The following EWSR1 variants were observed in gnomAD, a reference collection of about 807,000 sequenced individuals.
EWSR1 encodes EWS RNA binding protein 1.
Under a neutral mutation model 92.1 loss-of-function variants are expected in EWSR1, and 14 were observed. The ratio of observed to expected loss-of-function variants is 0.15; its 90% confidence interval spans 0.10 to 0.24. EWSR1 has a LOEUF of 0.24. Among genes scored for constraint, EWSR1 ranks in the 10% least tolerant of loss-of-function variants. EWSR1 has a pLI of 1.00. For missense variants in EWSR1, 637 were observed against 870.9 expected (o/e 0.73, Z 3.38); for synonymous variants, 303 against 292.9 (o/e 1.03, Z -0.35).
chr22:29,295,562 G>T (rs1306270422), intron 11 of EWSR1: 1 of 222,444 alleles, frequency 4.5e-6, no homozygotes, highest in Non-Finnish European at 9.0e-6. Context: ...TAAGTCAGAG[G>T]TATCAATATA....
In EWSR1 at chr22:29,268,933, T is replaced by G. The variant is rs1047921564; in HGVS notation, c.13+584T>G. On this transcript the variant is annotated intron_variant, in intron 1 of 16. Transcript: ENST00000397938. ...GCTGCCGAGCTGCCCCCTCTGTGGC[T>G]TCCAGCCCCAAGCCGAACTTCTGCT... 2.6e-5 allele frequency among the ~76,000 whole-genome samples: 4 copies of G among 152,230 alleles called. No homozygotes were observed. The East Asian group carries it at 7.7e-4, about 29-fold the overall frequency.
Position 29,275,831 on chromosome 22 carries a change from T to A in EWSR1, c.226+1967T>A, listed in dbSNP as rs532052733. On this transcript the variant is annotated intron_variant, in intron 4 of 16. Transcript: ENST00000397938. ...TTAATTTTTACGTTGAACAAAAGTT[T>A]TGGTTTGTGTAATATTTCTTACCAC... is the stretch of plus-strand genomic sequence containing the variant. 3.4e-5 allele frequency: 8 copies of A among 231,954 alleles called. No homozygotes were observed. The East Asian group carries it at 3.7e-4, about 11-fold the overall frequency. 14.4% of individuals were successfully genotyped at this position (231,954 alleles called of 1,614,324 possible).
rs1369357541 is a variant in EWSR1, at chr22:29,300,254, G to C, written c.*93G>C. 19 of 1,187,658 alleles carry C rather than the reference G, an allele frequency of 1.6e-5. No individual in the cohort carries two copies. Among genetic ancestry groups the C allele is most frequent in the Middle Eastern group, 2.8e-4 (1 of 3,612 alleles). 73.6% of individuals were successfully genotyped at this position (1,187,658 alleles called of 1,614,324 possible). A position where few individuals can be genotyped will look rare whatever the true frequency, so the allele number is the denominator to read the frequency against. ...TTATAATTCCATATTTATAATGTTGGCCACAACATTATGATTATTCCTTGT... is the reference window on the plus strand; with the variant it reads ...TTATAATTCCATATTTATAATGTTGCCCACAACATTATGATTATTCCTTGT... On this transcript the variant is annotated 3_prime_UTR_variant, in exon 17 of 17. Coordinates refer to ENST00000397938, the MANE Select transcript of EWSR1 (RefSeq NM_005243.4).
At position 29,288,695 on chromosome 22, in the gene EWSR1, A is replaced by C; in HGVS notation, c.883A>C (p.Ser295Arg). Residue 295 changes from serine to arginine, a missense_variant, in exon 8 of 17, where the codon AGT becomes CGT. By Grantham distance (110) the Ser-to-Arg change is moderately radical. This residue lies in a region of EWSR1 where 116 missense variants were observed against 167.8 expected (regional missense o/e 0.69). Coordinates refer to ENST00000397938, the MANE Select transcript of EWSR1 (RefSeq NM_005243.4). Reference protein sequence around the residue: ...FSGPGENRSMSGPDNRGRGRG... With the variant: ...FSGPGENRSMRGPDNRGRGRG... ...CGGACCAGGAGAGAACCGGAGCATGAGTGGCCCTGATAACCGGGGCAGGGG... is the reference window on the plus strand; with the variant it reads ...CGGACCAGGAGAGAACCGGAGCATGCGTGGCCCTGATAACCGGGGCAGGGG... The C allele has an allele frequency of 6.2e-7, 1 of 1,613,956 alleles. No homozygotes were observed. The highest frequency in any genetic ancestry group is 8.5e-7 in the Non-Finnish European group (1 of 1,179,858).
intron 9 of EWSR1, 151 bp from the exon 10 acceptor site, chr22:29,291,986 G>C: frequency 2.7e-6 from 2 of 727,358 alleles, no homozygotes; most frequent in South Asian, 3.3e-5. Context: ...ATGTTAAAGA[G>C]ACACTGCTCC....
chr22:29,273,886 T>G, intron 4 of EWSR1, 22 bp downstream of exon 4: 1 of 1,612,514 alleles, frequency 6.2e-7, no homozygotes, highest in Non-Finnish European at 8.5e-7. Flanking sequence ...CTTGGAGAGA[T>G]TTTTGGGTCG....
rs371016405 is a variant in EWSR1, at chr22:29,286,222, C to T, written c.582-701C>T. 6.6e-5 allele frequency among the ~76,000 whole-genome samples: 10 copies of T among 152,134 alleles called. No homozygotes were observed. In the East Asian group the frequency reaches 1.7e-3, roughly 27 times the overall value. ...GCTGGAGTACAGTAGCGGATCTCAG[C>T]TCACTGCAAACTCCACCTCCCGGGT... On this transcript the variant is annotated intron_variant, in intron 6 of 16. Coordinates refer to ENST00000397938, the MANE Select transcript of EWSR1 (RefSeq NM_005243.4).
At chr22:29,287,577 T>C (rs1448380497) in intron 7 of EWSR1, among the ~76,000 whole-genome samples, 1 of 152,120 alleles carries the variant, frequency 6.6e-6, no homozygotes, top group Non-Finnish European at 1.5e-5. Context: ...GGACACATCT[T>C]TAGGGCATGG....
intron 11 of EWSR1, among the ~76,000 whole-genome samples, chr22:29,293,665 A>G (rs1191563924): frequency 6.6e-6 from 1 of 152,058 alleles, no homozygotes; most frequent in Non-Finnish European, 1.5e-5. Flanking sequence ...CCTGGGTTCA[A>G]GCGATTGTCC....
chr22:29,286,828 T>A, intron 6 of EWSR1, 95 bp from the exon 7 acceptor site: 1 of 853,748 alleles, frequency 1.2e-6, no homozygotes, highest in Non-Finnish European at 1.9e-6. Flanking sequence ...GATGTCTGTG[T>A]CACATGGTGT....
chr22:29,298,515 A>C lies in EWSR1; in HGVS notation c.1418-218A>C, dbSNP rs1173993953. 2.0e-5 allele frequency among the ~76,000 whole-genome samples: 3 copies of C among 151,960 alleles called. No homozygotes were observed. In the East Asian group the frequency reaches 5.8e-4, roughly 29 times the overall value. On this transcript the variant is annotated intron_variant, in intron 13 of 16. Transcript: ENST00000397938. ...GTGTGAGACTCCGTCTCCAAAAAAAAAAAAAAAAAATTGTGGGAGCTCTGT... is the reference window on the plus strand; with the variant it reads ...GTGTGAGACTCCGTCTCCAAAAAAACAAAAAAAAAATTGTGGGAGCTCTGT...
At chr22:29,299,531 TTCCACAGTG>T (rs1200899370) in intron 15 of EWSR1, 59 bp from the exon 16 acceptor site, 9 of 1,522,266 alleles carry the variant, frequency 5.9e-6, no homozygotes, top group South Asian at 1.3e-5. Context: ...GCAGAGCAGC[TTCCACAGTG>T]TCCACAGGGC....
intron 1 of EWSR1, 68 bp downstream of exon 1, chr22:29,268,417 C>T (rs2058305638): frequency 2.5e-6 from 4 of 1,613,030 alleles, no homozygotes; most frequent in East Asian, 2.2e-5. Context: ...TCGTTCGTCT[C>T]TGGGCTTGGC....
chr22:29,276,629 G>A (rs2059145442), intron 4 of EWSR1: 1 of 226,626 alleles, frequency 4.4e-6, no homozygotes, highest in Admixed American at 5.7e-5. Flanking sequence ...GTGAGATGTA[G>A]ACTTTTTTTT....
chr22:29,283,996 G>A (rs369441548), intron 6 of EWSR1, among the ~76,000 whole-genome samples: 8 of 150,924 alleles, frequency 5.3e-5, no homozygotes, highest in Non-Finnish European at 1.0e-4. Flanking sequence ...CACCACAACC[G>A]GCTAATTTTG....
In EWSR1 at chr22:29,272,759, A is replaced by G. The variant is rs118178391; in HGVS notation, c.102+328A>G. Among the ~76,000 whole-genome samples the G allele has an allele frequency of 1.8e-4, 27 of 152,384 alleles. No homozygotes were observed. The East Asian group carries it at 5.2e-3, about 29-fold the overall frequency. On this transcript the variant is annotated intron_variant, in intron 3 of 16. Coordinates refer to ENST00000397938, the MANE Select transcript of EWSR1 (RefSeq NM_005243.4). ...CAATTCTGCAAAGGAAGAGGATGAT[A>G]TGACCATTCTGCAGAGGAGAACATT... is the stretch of plus-strand genomic sequence containing the variant.
chr22:29,272,212 C>T lies in EWSR1; in HGVS notation c.14-4C>T. ...CACTATTTTTCCTCCTTGTTTTCCT[C>T]TAGATTACAGTACCTATAGCCAAGC... On this transcript the variant is annotated splice_region_variant and splice_polypyrimidine_tract_variant and intron_variant, in intron 1 of 16. Transcript: ENST00000397938. 4 of 1,613,812 alleles carry T rather than the reference C, an allele frequency of 2.5e-6. No homozygotes were observed. Among genetic ancestry groups the T allele is most frequent in the Non-Finnish European group, 3.4e-6 (4 of 1,179,766 alleles).
chr22:29,279,163 G>A (rs956560275), intron 5 of EWSR1, among the ~76,000 whole-genome samples: 2 of 152,124 alleles, frequency 1.3e-5, no homozygotes, highest in Non-Finnish European at 2.9e-5. Context: ...ACTCAAAACA[G>A]CATAACTGAT....
rs2061201272 is a variant in EWSR1 at position 29,299,858 on chromosome 22, G to A, written c.1931+7G>A. The A allele has an allele frequency of 6.5e-7, 1 of 1,538,940 alleles. No individual in the cohort carries two copies. Among genetic ancestry groups the A allele is most frequent in the Non-Finnish European group, 8.8e-7 (1 of 1,141,444 alleles). Reference sequence around the variant, plus strand: ...GACCTGGAAAAATGGATAAGTAAGTGCTGGTGAAAAGCAGCTGTGGGCCGC... The same window carrying A: ...GACCTGGAAAAATGGATAAGTAAGTACTGGTGAAAAGCAGCTGTGGGCCGC... On this transcript the variant is annotated splice_region_variant and intron_variant, in intron 16 of 16. Coordinates refer to ENST00000397938, the MANE Select transcript of EWSR1 (RefSeq NM_005243.4).
Sources: allele counts gnomAD v4.1 joint callset (sites outside exome capture counted in the v4.1 genomes callset), GRCh38; gene constraint gnomAD v4.1.1; regional missense constraint gnomAD v4.1.1; transcripts MANE v1.5; gene names NCBI Gene and HGNC (gene_info 2026-07-23, HGNC 2026-07-21).